SLC6A3: variants seen among roughly 807,000 people sequenced by gnomAD.
The protein encoded by SLC6A3 is solute carrier family 6 member 3.
In SLC6A3, 19 loss-of-function variants were observed where a neutral mutation model predicts 70.4. The observed-to-expected ratio is 0.27, with a 90% confidence interval of 0.19 to 0.40. The LOEUF (loss-of-function observed/expected upper bound fraction) is 0.40. Ranked by LOEUF, SLC6A3 falls within the 10% of genes least tolerant of loss-of-function variation. SLC6A3 has a pLI of 1.00. For synonymous variants in SLC6A3, 368 were observed against 356.6 expected (o/e 1.03, Z -0.36); for missense variants, 613 against 838.5 (o/e 0.73, Z 3.32).
chr5:1,416,050 T>C, intron 7 of SLC6A3, 48 bp downstream of exon 7: 2 of 1,388,808 alleles, frequency 1.4e-6, no homozygotes, highest in Admixed American at 1.7e-5. Flanking sequence ...GTCAGCGACC[T>C]CTCCCTAGTA....
At chr5:1,424,611 C>G (rs1297945357) in intron 4 of SLC6A3, among the ~76,000 whole-genome samples, 1 of 152,220 alleles carries the variant, frequency 6.6e-6, no homozygotes, top group African/African-American at 2.4e-5. Flanking sequence ...AAAAGGCAAA[C>G]TCAGTCAATG....
At position 1,420,113 on chromosome 5, in the gene SLC6A3, T is replaced by C. The variant is rs28382249; in HGVS notation, c.927+456A>G. The stretch of plus-strand genomic sequence containing the variant: ...GATGCCCCTGGGCGGCTTTGGGGCC[T>C]GCCACCTCCCCCACTTAGTCCACCT... On this transcript the variant is annotated intron_variant, in intron 6 of 14. Transcript: ENST00000270349. 7.5e-4 allele frequency among the ~76,000 whole-genome samples: 114 copies of C among 152,314 alleles called. 3 individuals are homozygous for C. The highest frequency in any genetic ancestry group is 2.7e-3 in the South Asian group (13 of 4,824).
chr5:1,410,281 C>T (rs1398871544), intron 9 of SLC6A3, among the ~76,000 whole-genome samples: 1 of 152,208 alleles, frequency 6.6e-6, no homozygotes, highest in Non-Finnish European at 1.5e-5. Context: ...TGACTCCTGG[C>T]ATCCTCCTGT....
At chr5:1,426,224 A>C (rs1450041217) in intron 4 of SLC6A3, among the ~76,000 whole-genome samples, 1 of 152,230 alleles carries the variant, frequency 6.6e-6, no homozygotes, top group Non-Finnish European at 1.5e-5. Context: ...ATGTGGAAGC[A>C]ACCCAAATGT....
At chr5:1,395,496 C>T (rs545373376) in intron 14 of SLC6A3, among the ~76,000 whole-genome samples, 15 of 152,354 alleles carry the variant, frequency 9.8e-5, no homozygotes, top group Middle Eastern at 3.4e-3. Context: ...CCACTGGCCA[C>T]ACCACAGGCT....
chr5:1,433,604 C>A (rs977802158), intron 3 of SLC6A3, among the ~76,000 whole-genome samples: 2 of 152,068 alleles, frequency 1.3e-5, no homozygotes, highest in African/African-American at 4.8e-5. Flanking sequence ...TCCATCCATC[C>A]ACAGCCATCC....
At position 1,421,572 on chromosome 5, in the gene SLC6A3, C is replaced by T. The variant is rs955598615; in HGVS notation, c.792+304G>A. ...CCAAAACCCAACTGTGCCGTGTGTC[C>T]GCCCAGCCCAGCCACGGCCACGTGT... On this transcript the variant is annotated intron_variant, in intron 5 of 14. Transcript: ENST00000270349. This position sits in a 1 kb window ranked among gnomAD's most constrained non-coding sequence, Gnocchi z 7.2. Among the ~76,000 whole-genome samples, 16 of 152,266 alleles carry T rather than the reference C, an allele frequency of 1.1e-4. No homozygotes were observed. The highest frequency in any genetic ancestry group is 1.0e-4 in the Non-Finnish European group (7 of 68,022).
rs2550922 is a variant in SLC6A3 at position 1,404,885 on chromosome 5, C to T, written c.1599+1303G>A. Among the ~76,000 whole-genome samples, 3 of 152,234 alleles carry T rather than the reference C, an allele frequency of 2.0e-5. No homozygotes were observed. Among genetic ancestry groups the T allele is most frequent in the Non-Finnish European group, 4.4e-5 (3 of 68,048 alleles). ...AAGATTTAGTCTAAGATCAGTAGAA[C>T]ATTTTATCTCCTAAGATCGAGGTCA... On this transcript the variant is annotated intron_variant, in intron 12 of 14. Coordinates refer to ENST00000270349, the MANE Select transcript of SLC6A3 (RefSeq NM_001044.5). The surrounding 1 kb of genome is among the most constrained non-coding windows in gnomAD (Gnocchi z 5.2).
At chr5:1,414,929 G>C in intron 7 of SLC6A3, 114 bp from the exon 8 acceptor site, 1 of 1,383,052 alleles carries the variant, frequency 7.2e-7, no homozygotes, top group East Asian at 2.3e-5. Flanking sequence ...GGTCTTCGGA[G>C]GGGCTACTTT....
At position 1,402,052 on chromosome 5, in the gene SLC6A3, C is replaced by A. The variant is rs1243828576; in HGVS notation, c.1767+870G>T. Reference sequence around the variant, plus strand: ...TCAGTGCCAGCCTGAGAGCATCTGCCACATGTCTGAGCCCAGGGGACACCG... The same window carrying A: ...TCAGTGCCAGCCTGAGAGCATCTGCAACATGTCTGAGCCCAGGGGACACCG... On this transcript the variant is annotated intron_variant, in intron 13 of 14. Transcript: ENST00000270349. The surrounding 1 kb of genome is among the most constrained non-coding windows in gnomAD (Gnocchi z 8.5). 6.6e-6 allele frequency among the ~76,000 whole-genome samples: 1 copy of A among 152,178 alleles called. No homozygotes were observed. Among genetic ancestry groups the A allele is most frequent in the Non-Finnish European group, 1.5e-5 (1 of 68,032 alleles).
intron 4 of SLC6A3, among the ~76,000 whole-genome samples, chr5:1,430,328 G>A: frequency 6.6e-6 from 1 of 152,010 alleles, no homozygotes; most frequent in Non-Finnish European, 1.5e-5. Context: ...GCGACCCATG[G>A]TCTTCCTCAT....
In SLC6A3 at chr5:1,432,512, G is replaced by A. The variant is rs149444784; in HGVS notation, c.605C>T (p.Ser202Leu). Residue 202 changes from serine to leucine, a missense_variant, in exon 4 of 15, where the codon TCG becomes TTG. By Grantham distance (145) the Ser-to-Leu change is moderately radical (BLOSUM62 -2). Coordinates refer to ENST00000270349, the MANE Select transcript of SLC6A3 (RefSeq NM_001044.5). ...AHPGDSSGDS[S>L]GLNDTFGTTP... ...GGTCCCAAAAGTGTCGTTGAGGCCC[G>A]AGCTGTCTCCACTGGAGTCACCAGG... 20 of 1,614,216 alleles carry A rather than the reference G, an allele frequency of 1.2e-5. No homozygotes were observed. Among genetic ancestry groups the A allele is most frequent in the Non-Finnish European group, 1.4e-5 (17 of 1,180,018 alleles).
In SLC6A3 at chr5:1,405,663, C is replaced by T. The variant is rs563053327; in HGVS notation, c.1599+525G>A. ...AACTCTATTTACAAACACCAGCGTC[C>T]GACGGCCTTGCCCGGTGGGCCCTGA... On this transcript the variant is annotated intron_variant, in intron 12 of 14. Transcript: ENST00000270349. This position sits in a 1 kb window ranked among gnomAD's most constrained non-coding sequence, Gnocchi z 5.3. Among the ~76,000 whole-genome samples, 4 of 152,300 alleles carry T rather than the reference C, an allele frequency of 2.6e-5. No homozygotes were observed. The highest frequency in any genetic ancestry group is 2.1e-4 in the South Asian group (1 of 4,818).
chr5:1,403,716 C>T (rs1312668741), intron 12 of SLC6A3, among the ~76,000 whole-genome samples: 1 of 152,110 alleles, frequency 6.6e-6, no homozygotes, highest in Non-Finnish European at 1.5e-5. Context: ...AGCTCCGTAT[C>T]TCTACTCATT....
At position 1,436,241 on chromosome 5, in the gene SLC6A3, C is replaced by T. The variant is rs780949396; in HGVS notation, c.419-3543G>A. The stretch of plus-strand genomic sequence containing the variant: ...CCTCACCAACCAGCCAACTTCACCA[C>T]GAGCTCCTCAAGCTCACCGAAGGCC... On this transcript the variant is annotated intron_variant, in intron 3 of 14. Transcript: ENST00000270349. The surrounding 1 kb of genome is among the most constrained non-coding windows in gnomAD (Gnocchi z 5.2). Among the ~76,000 whole-genome samples, 5 of 152,256 alleles carry T rather than the reference C, an allele frequency of 3.3e-5. No homozygotes were observed. The highest frequency in any genetic ancestry group is 7.2e-5 in the African/African-American group (3 of 41,462).
chr5:1,426,862 G>A (rs1436719563), intron 4 of SLC6A3, among the ~76,000 whole-genome samples: 1 of 152,210 alleles, frequency 6.6e-6, no homozygotes, highest in African/African-American at 2.4e-5. Flanking sequence ...AATGGATGAT[G>A]GTGATGGTTG....
In SLC6A3 at chr5:1,437,489, A is replaced by C. The variant is rs1272918290; in HGVS notation, c.418+3870T>G. Among the ~76,000 whole-genome samples, 1 of 151,996 alleles carries C rather than the reference A, an allele frequency of 6.6e-6. No homozygotes were observed. Among genetic ancestry groups the C allele is most frequent in the Non-Finnish European group, 1.5e-5 (1 of 67,966 alleles). On this transcript the variant is annotated intron_variant, in intron 3 of 14. Transcript: ENST00000270349. This position sits in a 1 kb window ranked among gnomAD's most constrained non-coding sequence, Gnocchi z 4.8. ...AGGGAGAGGGAAAGAGAGCGAGGGG[A>C]AGGGAGGAGACGGAGAGTTTTAAAG...
At chr5:1,431,931 T>C (rs1466089349) in intron 4 of SLC6A3, among the ~76,000 whole-genome samples, 1 of 152,230 alleles carries the variant, frequency 6.6e-6, no homozygotes, top group Non-Finnish European at 1.5e-5. Flanking sequence ...AGCGGACGGC[T>C]GGGTCACCCT....
chr5:1,428,655 G>T (rs1233521080), intron 4 of SLC6A3, among the ~76,000 whole-genome samples: 2 of 152,178 alleles, frequency 1.3e-5, no homozygotes, highest in African/African-American at 4.8e-5. Flanking sequence ...GACCCCTGGG[G>T]GCCAGGGGTG....
Sources: gnomAD v4.1 joint callset for allele counts (sites outside exome capture counted in the v4.1 genomes callset) on GRCh38, gnomAD v4.1.1 for gene constraint, Gnocchi (gnomAD v3.1) non-coding constraint, MANE v1.5 for transcripts, NCBI Gene and HGNC (gene_info 2026-07-23, HGNC 2026-07-21) for gene names.